The following TRIM24 variants were observed in gnomAD, a reference collection of about 807,000 sequenced individuals.
The protein encoded by TRIM24 is transcription intermediary factor 1-alpha.
In TRIM24, 29 loss-of-function variants were observed where a neutral mutation model predicts 123.9. The observed-to-expected ratio is 0.23, with a 90% CI of 0.17 to 0.32. The LOEUF (loss-of-function observed/expected upper bound fraction) is 0.32, where lower values mean the gene tolerates loss of function less well. Among genes scored for constraint, TRIM24 ranks in the 10% least tolerant of loss-of-function variants. The pLI, the probability that TRIM24 is intolerant of heterozygous loss-of-function variation, is 1.00. For missense variants in TRIM24, 932 were observed against 1,295.3 expected, an observed-to-expected ratio of 0.72 and a Z score of 4.31; for synonymous variants, 456 against 461.1, an observed-to-expected ratio of 0.99 and a Z score of 0.14.
intron 1 of TRIM24, among the ~76,000 whole-genome samples, chr7:138,475,518 T>C (rs913518210): frequency 6.6e-6 from 1 of 152,204 alleles, no homozygotes. Context: ...TCTGTGGTTT[T>C]GTTTTCTTTC....
chr7:138,525,656 C>T (rs1282562009), intron 5 of TRIM24, among the ~76,000 whole-genome samples: 2 of 152,108 alleles, frequency 1.3e-5, no homozygotes, highest in Non-Finnish European at 2.9e-5. Flanking sequence ...GCCAAATCAA[C>T]CATTTTTTTG....
At chr7:138,576,238 C>G in intron 12 of TRIM24, 135 bp from the exon 13 acceptor site, 2 of 818,720 alleles carry the variant, frequency 2.4e-6, no homozygotes, top group Non-Finnish European at 4.0e-6. Context: ...GCTGAAAATT[C>G]AGCAACTACT....
chr7:138,490,571 A>G (rs1474417944), intron 1 of TRIM24: 4 of 211,752 alleles, frequency 1.9e-5, no homozygotes, highest in African/African-American at 4.8e-5. Context: ...ATTTGCCACA[A>G]TTAGAAAACA....
At chr7:138,565,304 T>G (rs1797513698) in intron 9 of TRIM24, among the ~76,000 whole-genome samples, 1 of 152,188 alleles carries the variant, frequency 6.6e-6, no homozygotes, top group Non-Finnish European at 1.5e-5. Context: ...CGTCCTGTGT[T>G]TGACCACTAG....
intron 2 of TRIM24, among the ~76,000 whole-genome samples, chr7:138,508,708 C>CGTGTGTGTGTGTGCGG: frequency 7.3e-6 from 1 of 136,284 alleles, no homozygotes; most frequent in East Asian, 2.5e-4. Context: ...CGCGTGTGTG[C>CGTGTGTGTGTGTGCGG]GTGTGTGTGT....
chr7:138,534,540 A>G (rs1012411791), intron 6 of TRIM24, among the ~76,000 whole-genome samples: 1 of 152,276 alleles, frequency 6.6e-6, no homozygotes, highest in Admixed American at 6.5e-5. Flanking sequence ...GAGTTTCTTA[A>G]TCCTGAGTTC....
chr7:138,567,800 T>C lies in TRIM24; in HGVS notation c.1704+146T>C, dbSNP rs753991611. 7 of 822,282 alleles carry C rather than the reference T, an allele frequency of 8.5e-6. No homozygotes were observed. In the Admixed American group the frequency reaches 1.9e-4, roughly 22 times the overall value. 50.9% of individuals were successfully genotyped at this position (822,282 alleles called of 1,614,324 possible). ...TTTTAAATAAATGTGAATTGCAAAG[T>C]TTGATGCTTTTTATCAGTAAGAGAA... On this transcript the variant is annotated intron_variant, in intron 10 of 18. Transcript: ENST00000343526.
At chr7:138,553,727 G>A (rs1797258961) in intron 8 of TRIM24, among the ~76,000 whole-genome samples, 1 of 152,130 alleles carries the variant, frequency 6.6e-6, no homozygotes, top group Non-Finnish European at 1.5e-5. Flanking sequence ...AGGTTCGCTT[G>A]TTTTGATATA....
chr7:138,558,883 T>C (rs567892252), intron 9 of TRIM24, among the ~76,000 whole-genome samples: 1 of 152,340 alleles, frequency 6.6e-6, no homozygotes, highest in Admixed American at 6.5e-5. Context: ...GACCAAGTCA[T>C]GCAGCTCCAG....
At position 138,575,817 on chromosome 7, in the gene TRIM24, CCT is replaced by C. The variant is rs540329095; in HGVS notation, c.2015-553_2015-552del. On this transcript the variant is annotated intron_variant, in intron 12 of 18. Coordinates refer to ENST00000343526, the MANE Select transcript of TRIM24 (RefSeq NM_015905.3). Reference sequence around the variant, plus strand: ...CTTTTTAGGGCAGTAGTCCAGAATCCCTCTTTTGTTTATTGCCTTAAGTCTGA... The same window carrying C: ...CTTTTTAGGGCAGTAGTCCAGAATCCCTTTTGTTTATTGCCTTAAGTCTGA... Among the ~76,000 whole-genome samples, 53 of 152,090 alleles carry C rather than the reference CCT, an allele frequency of 3.5e-4. 1 individual carries two copies. In the Middle Eastern group the frequency reaches 0.01, roughly 29 times the overall value.
intron 8 of TRIM24, among the ~76,000 whole-genome samples, chr7:138,553,860 C>A (rs1797261520): frequency 6.6e-6 from 1 of 152,174 alleles, no homozygotes; most frequent in East Asian, 1.9e-4. Flanking sequence ...AGGGATAGGA[C>A]CATGTTTGAG....
At chr7:138,574,668 A>T (rs1028632657) in intron 12 of TRIM24, among the ~76,000 whole-genome samples, 1 of 152,214 alleles carries the variant, frequency 6.6e-6, no homozygotes, top group Non-Finnish European at 1.5e-5. Context: ...ATAGTCATTG[A>T]GAATGTGATG....
chr7:138,584,516 C>T (rs1009676870), intron 18 of TRIM24, among the ~76,000 whole-genome samples: 3 of 152,190 alleles, frequency 2.0e-5, no homozygotes, highest in Non-Finnish European at 4.4e-5. Context: ...TATAGTCCTA[C>T]CATTACCACC....
chr7:138,498,071 G>A (rs1302365782), intron 1 of TRIM24, among the ~76,000 whole-genome samples: 1 of 138,954 alleles, frequency 7.2e-6, no homozygotes, highest in Non-Finnish European at 1.6e-5. Context: ...CCTAGGCTGG[G>A]GTGCAGTGGC....
chr7:138,490,846 G>T, intron 1 of TRIM24: 1 of 458,686 alleles, frequency 2.2e-6, no homozygotes. Context: ...GTCTGTACCT[G>T]TCAGGTCATG....
intron 1 of TRIM24, among the ~76,000 whole-genome samples, chr7:138,503,771 ATTTATTG>A (rs1730816975): frequency 6.6e-6 from 1 of 151,942 alleles, no homozygotes; most frequent in South Asian, 2.1e-4. Context: ...TGTTATTTTT[ATTTATTG>A]TTTTTACCAA....
At chr7:138,475,166 G>C (rs1795369000) in intron 1 of TRIM24, among the ~76,000 whole-genome samples, 1 of 152,184 alleles carries the variant, frequency 6.6e-6, no homozygotes, top group African/African-American at 2.4e-5. Flanking sequence ...GATGCTGTGT[G>C]TTGTGGTATG....
At chr7:138,487,723 G>A (rs769466548) in intron 1 of TRIM24, among the ~76,000 whole-genome samples, 10 of 152,138 alleles carry the variant, frequency 6.6e-5, no homozygotes, top group Non-Finnish European at 1.3e-4. Context: ...TAAGCTTTTT[G>A]ATATGCTGCC....
chr7:138,520,286 G>A (rs939644727), intron 4 of TRIM24, among the ~76,000 whole-genome samples: 1 of 152,178 alleles, frequency 6.6e-6, no homozygotes, highest in African/African-American at 2.4e-5. Flanking sequence ...AGATAAATTA[G>A]CTAGTAAGTT....
Sources: gnomAD v4.1 joint callset for allele counts (sites outside exome capture counted in the v4.1 genomes callset) on GRCh38, gnomAD v4.1.1 for gene constraint, MANE v1.5 for transcripts, NCBI Gene and HGNC (gene_info 2026-07-23, HGNC 2026-07-21) for gene names.